The following OPA3 variants were observed in gnomAD, a reference collection of about 807,000 sequenced individuals.
OPA3 encodes the protein outer mitochondrial membrane lipid metabolism regulator OPA3.
In OPA3, 6 loss-of-function variants were observed where a neutral mutation model predicts 4.0. That is an observed-to-expected ratio of 1.51 (90% CI 0.83 to 2.99). The LOEUF (loss-of-function observed/expected upper bound fraction) is 2.99, where lower values mean the gene tolerates loss of function less well. Among genes scored for constraint, OPA3 ranks in the 30% most tolerant of loss-of-function variants. OPA3 has a pLI of 0.00. For missense variants in OPA3, 235 were observed against 256.2 expected, an observed-to-expected ratio of 0.92 and a Z score of 0.56; for synonymous variants, 105 against 117.1, an observed-to-expected ratio of 0.90 and a Z score of 0.67.
chr19:45,573,216 A>G (rs1186672872), intron 1 of OPA3, among the ~76,000 whole-genome samples: 3 of 152,066 alleles, frequency 2.0e-5, no homozygotes, highest in Non-Finnish European at 4.4e-5. Flanking sequence ...CATAGTCCCC[A>G]TCCCCCAGGC....
At chr19:45,575,477 A>G (rs1462987309) in intron 1 of OPA3, among the ~76,000 whole-genome samples, 2 of 152,222 alleles carry the variant, frequency 1.3e-5, no homozygotes, top group East Asian at 1.9e-4. Flanking sequence ...GCCTAAATTC[A>G]TAAGAATGGC....
At chr19:45,577,381 G>A (rs528699242) in intron 1 of OPA3, among the ~76,000 whole-genome samples, 3 of 152,216 alleles carry the variant, frequency 2.0e-5, no homozygotes, top group Admixed American at 1.3e-4. Context: ...TGCACCCTGG[G>A]AAATTCCAAT....
intron 1 of OPA3, among the ~76,000 whole-genome samples, chr19:45,558,835 G>A (rs755179188): frequency 9.2e-5 from 14 of 151,656 alleles, no homozygotes; most frequent in Non-Finnish European, 2.1e-4. Context: ...CTCCAGTGTG[G>A]TGTGACTAAG....
In OPA3 at chr19:45,550,788, C is replaced by G. The variant is rs993813343; in HGVS notation, c.*2726G>C. The G allele has an allele frequency of 2.0e-6, 2 of 985,972 alleles. No homozygotes were observed. Among genetic ancestry groups the G allele is most frequent in the East Asian group, 2.3e-4 (2 of 8,820 alleles). 61.1% of individuals were successfully genotyped at this position (985,972 alleles called of 1,614,324 possible). A position where few individuals can be genotyped will look rare whatever the true frequency, so the allele number is the denominator to read the frequency against. On this transcript the variant is annotated 3_prime_UTR_variant, in exon 2 of 2. Coordinates refer to ENST00000263275, the MANE Select transcript of OPA3 (RefSeq NM_025136.4). ...TCAGGATGCCTTCATCACCTTGCAG[C>G]TCCTCTAATGAGAGAGCTACAGTCG... is the stretch of plus-strand genomic sequence containing the variant.
intron 1 of OPA3, among the ~76,000 whole-genome samples, chr19:45,568,432 C>T (rs565762905): frequency 6.5e-4 from 99 of 152,140 alleles, no homozygotes; most frequent in Non-Finnish European, 1.1e-3. Flanking sequence ...TCAGGTGATC[C>T]GCCCACCTCG....
rs377547137 is a variant in OPA3 at position 45,552,527 on chromosome 19, ATT to A, written c.*985_*986del. On this transcript the variant is annotated 3_prime_UTR_variant, in exon 2 of 2. Transcript: ENST00000263275. ...GTGTGAGCCACCGTGCCCAGCCAGG[ATT>A]TTTTTTTTTTTTTTGAGACACAGTC... 684 of 137,634 alleles carry A rather than the reference ATT, an allele frequency of 5.0e-3. 1 individual carries two copies. Among genetic ancestry groups the A allele is most frequent in the Non-Finnish European group, 5.2e-3 (334 of 64,000 alleles). The allele number at this position is 137,634 out of a possible 1,614,324, so 8.5% of individuals were successfully genotyped here.
intron 1 of OPA3, among the ~76,000 whole-genome samples, chr19:45,559,388 TTTTTCTTTC>T (rs1969469577): frequency 3.0e-5 from 3 of 100,186 alleles, no homozygotes; most frequent in African/African-American, 1.5e-4. Context: ...TCTTTCCCTC[TTTTTCTTTC>T]TTTTTTTTTT....
chr19:45,575,670 G>A (rs553639901), intron 1 of OPA3, among the ~76,000 whole-genome samples: 3 of 152,046 alleles, frequency 2.0e-5, no homozygotes, highest in Non-Finnish European at 4.4e-5. Context: ...GCAGGGGTGC[G>A]GTCACAGCTC....
At chr19:45,529,164 C>T in exon 2 of OPA3, 1 of 1,609,580 alleles carries the variant, frequency 6.2e-7, no homozygotes, top group Non-Finnish European at 8.5e-7. Flanking sequence ...GGGCGAGCTG[C>T]GTCGACGTCG....
At chr19:45,580,481 C>A (rs558250675) in intron 1 of OPA3, among the ~76,000 whole-genome samples, 1 of 150,016 alleles carries the variant, frequency 6.7e-6, no homozygotes, top group East Asian at 2.0e-4. Context: ...TTAGTAGAGA[C>A]GGGGTTTCTC....
At chr19:45,528,900 T>G in exon 2 of OPA3, 1 of 858,568 alleles carries the variant, frequency 1.2e-6, no homozygotes, top group Non-Finnish European at 1.8e-6. Context: ...GTAGGGAGGT[T>G]CGATCAGCTC....
chr19:45,582,000 T>C (rs995602677), intron 1 of OPA3, among the ~76,000 whole-genome samples: 2 of 152,050 alleles, frequency 1.3e-5, no homozygotes, highest in South Asian at 2.1e-4. Context: ...GTTTTCACCA[T>C]GTTGGTCAGG....
Position 45,550,156 on chromosome 19 carries a change from G to C in OPA3, c.*3358C>G, listed in dbSNP as rs965480314. On this transcript the variant is annotated 3_prime_UTR_variant, in exon 2 of 2. Transcript: ENST00000263275. Reference sequence around the variant, plus strand: ...AGGGTGACGGAGCTAGACTGTCTCCGAAAGAAAAGAAAAGAAAAAAGAAGA... The same window carrying C: ...AGGGTGACGGAGCTAGACTGTCTCCCAAAGAAAAGAAAAGAAAAAAGAAGA... The C allele has an allele frequency of 3.1e-6, 3 of 965,500 alleles. No individual in the cohort carries two copies. The African/African-American group carries it at 5.3e-5, about 17-fold the overall frequency. The allele number at this position is 965,500 out of a possible 1,614,324, so 59.8% of individuals were successfully genotyped here.
At position 45,548,365 on chromosome 19, in the gene OPA3, C is replaced by G; in HGVS notation, c.*5149G>C. 1.0e-6 allele frequency: 1 copy of G among 985,590 alleles called. No homozygotes were observed. Among genetic ancestry groups the G allele is most frequent in the South Asian group, 4.7e-5 (1 of 21,298 alleles). 61.1% of individuals were successfully genotyped at this position (985,590 alleles called of 1,614,324 possible). A position where few individuals can be genotyped will look rare whatever the true frequency, so the allele number is the denominator to read the frequency against. On this transcript the variant is annotated 3_prime_UTR_variant, in exon 2 of 2. Transcript: ENST00000263275. Reference sequence around the variant, plus strand: ...AAACCAACAAGAGGGACAGCAGGGCCTGCCAGGAGATGGGAGGGGCACAGC... The same window carrying G: ...AAACCAACAAGAGGGACAGCAGGGCGTGCCAGGAGATGGGAGGGGCACAGC...
chr19:45,557,140 G>C (rs1379484827), intron 1 of OPA3, among the ~76,000 whole-genome samples: 2 of 152,200 alleles, frequency 1.3e-5, no homozygotes, highest in Admixed American at 1.3e-4. Context: ...TCCCAGCGTG[G>C]AAATGCAAGT....
At chr19:45,542,830 C>T (rs939267775), downstream of OPA3, among the ~76,000 whole-genome samples, 14 of 151,476 alleles carry the variant, frequency 9.2e-5, no homozygotes, top group African/African-American at 2.4e-4. Context: ...CCTGCCACCA[C>T]GCCTGGCTAA....
intron 1 of OPA3, among the ~76,000 whole-genome samples, chr19:45,537,407 A>AAAAAAAAAAAAAAAAC (rs1969131688): frequency 7.2e-5 from 9 of 125,544 alleles, no homozygotes; most frequent in South Asian, 2.8e-4. Context: ...AAAAAAAAAA[A>AAAAAAAAAAAAAAAAC]AAAAAAAAAA....
intron 1 of OPA3, among the ~76,000 whole-genome samples, chr19:45,557,075 C>A (rs1046838386): frequency 1.3e-5 from 2 of 152,144 alleles, no homozygotes; most frequent in African/African-American, 4.8e-5. Flanking sequence ...AGCACAGTGG[C>A]CAGAGAGTGG....
In OPA3 at chr19:45,550,809, A is replaced by C. The variant is rs1969321240; in HGVS notation, c.*2705T>G. 1 of 986,060 alleles carries C rather than the reference A, an allele frequency of 1.0e-6. No homozygotes were observed. The allele number at this position is 986,060 out of a possible 1,614,324, so 61.1% of individuals were successfully genotyped here. The stretch of plus-strand genomic sequence containing the variant: ...GCAGCTCCTCTAATGAGAGAGCTAC[A>C]GTCGGAAGGACAGACTGCAGGCTAC... On this transcript the variant is annotated 3_prime_UTR_variant, in exon 2 of 2. Coordinates refer to ENST00000263275, the MANE Select transcript of OPA3 (RefSeq NM_025136.4).
Sources: allele counts gnomAD v4.1 joint callset (sites outside exome capture counted in the v4.1 genomes callset), GRCh38; gene constraint gnomAD v4.1.1; transcripts MANE v1.5; gene names NCBI Gene and HGNC (gene_info 2026-07-23, HGNC 2026-07-21).